HELZ2: variants seen among roughly 807,000 people sequenced by gnomAD.
HELZ2 encodes 3'-5' exoribonuclease HELZ2.
A neutral mutation model predicts 208.8 loss-of-function variants in HELZ2; 143 were observed. The ratio of observed to expected loss-of-function variants is 0.68; its 90% CI spans 0.60 to 0.79. The LOEUF (loss-of-function observed/expected upper bound fraction) is 0.79, where lower values mean the gene tolerates loss of function less well. HELZ2 is among the 30% of genes least tolerant of loss of function. The pLI is 0.00. For missense variants in HELZ2, 3,690 were observed against 3,794.5 expected, an observed-to-expected ratio of 0.97 and a Z score of 0.72; for synonymous variants, 1,705 against 1,693.7, an observed-to-expected ratio of 1.01 and a Z score of -0.16.
rs118155135 is a variant in HELZ2 at position 63,566,300 on chromosome 20, T to C, written c.2591-69A>G. On this transcript the variant is annotated intron_variant, in intron 7 of 18. Transcript: ENST00000467148. ...GTGGGACCAGCCCCACCCCTGCCGA[T>C]GCCAGGCTGAGGAGTGGGCCGAGCC... The C allele has an allele frequency of 7.6e-5, 114 of 1,508,094 alleles. 1 individual carries two copies. The East Asian group carries it at 1.3e-3, about 17-fold the overall frequency. The allele number at this position is 1,508,094 out of a possible 1,614,324, so 93.4% of individuals were successfully genotyped here. A position where few individuals can be genotyped will look rare whatever the true frequency, so the allele number is the denominator to read the frequency against.
chr20:63,566,295 GC>G lies in HELZ2; in HGVS notation c.2591-65del. On this transcript the variant is annotated intron_variant, in intron 7 of 18. Coordinates refer to ENST00000467148, the Ensembl canonical transcript of HELZ2. ...AGACGGTGGGACCAGCCCCACCCCTGCCGATGCCAGGCTGAGGAGTGGGCCG... is the reference window on the plus strand; with the variant it reads ...AGACGGTGGGACCAGCCCCACCCCTGCGATGCCAGGCTGAGGAGTGGGCCG... The G allele has an allele frequency of 2.0e-6, 3 of 1,501,970 alleles. No individual in the cohort carries two copies. In the South Asian group the frequency reaches 3.8e-5, roughly 19 times the overall value. The allele number at this position is 1,501,970 out of a possible 1,614,324, so 93.0% of individuals were successfully genotyped here.
chr20:63,564,864 G>C (rs372376486), exon 8 of HELZ2: 3 of 1,612,210 alleles, frequency 1.9e-6, no homozygotes. Context: ...TATTTCTGCA[G>C]CACCTTGGTG....
At chr20:63,569,468 G>A in exon 4 of HELZ2, 1 of 1,610,984 alleles carries the variant, frequency 6.2e-7, no homozygotes, top group South Asian at 1.1e-5. Flanking sequence ...GGCGGCCAAA[G>A]TCGAAGACCA....
In HELZ2 at chr20:63,568,475, G is replaced by A. The variant is rs767156599; in HGVS notation, c.1613C>T (p.Pro538Leu). 7.5e-6 allele frequency: 12 copies of A among 1,592,798 alleles called. No individual in the cohort carries two copies. The Admixed American group carries it at 1.8e-4, about 24-fold the overall frequency. ...AAAGGGGCCATAGATGAGTAGCGGGGGGACACGCCTCCCATCCCCAGGGCC... is the reference window on the plus strand; with the variant it reads ...AAAGGGGCCATAGATGAGTAGCGGGAGGACACGCCTCCCATCCCCAGGGCC... The change falls in exon 5 of 19, where the codon CCC (proline) becomes CTC (leucine). Residue 538 changes from proline (P) to leucine (L), a missense_variant. Pro to Leu is a moderately conservative substitution (Grantham distance 98). Coordinates refer to ENST00000467148, the Ensembl canonical transcript of HELZ2.
At chr20:63,571,097 A>C (rs2083011664) in intron 1 of HELZ2, 1 of 497,864 alleles carries the variant, frequency 2.0e-6, no homozygotes, top group East Asian at 3.1e-5. Flanking sequence ...AGCAGGTGGC[A>C]GGGAGGCCCC....
intron 5 of HELZ2, 129 bp downstream of exon 6, chr20:63,568,229 C>A: frequency 3.9e-6 from 3 of 761,254 alleles, no homozygotes; most frequent in South Asian, 1.6e-5. Flanking sequence ...AAAGCCAAAG[C>A]CCAAAGCTGG....
exon 4 of HELZ2, chr20:63,569,594 G>A: frequency 6.4e-7 from 1 of 1,568,056 alleles, no homozygotes. Flanking sequence ...GGCCTGGCGG[G>A]AGGCCGGGAG....
intron 5 of HELZ2, chr20:63,567,873 G>A (rs1454644844): frequency 1.3e-5 from 10 of 752,324 alleles, no homozygotes; most frequent in Non-Finnish European, 2.1e-5. Context: ...GCACCTCCCT[G>A]GTCCCCAGAA....
exon 8 of HELZ2, chr20:63,563,844 G>A (rs1450398137): frequency 6.3e-7 from 1 of 1,595,980 alleles, no homozygotes; most frequent in East Asian, 2.3e-5. Context: ...AGCGAGTAGT[G>A]GCCGCCCTGC....
intron 1 of HELZ2, 105 bp from the exon 3 acceptor site, chr20:63,570,973 G>A (rs2083010919): frequency 1.1e-6 from 1 of 885,344 alleles, no homozygotes; most frequent in East Asian, 2.7e-5. Flanking sequence ...AGGGAGCAGG[G>A]GCTTTATTCG....
At chr20:63,563,225 T>A in exon 8 of HELZ2, 1 of 1,571,468 alleles carries the variant, frequency 6.4e-7, no homozygotes, top group Middle Eastern at 1.7e-4. Flanking sequence ...ATGGCCACAG[T>A]GGCTCCGCTG....
In HELZ2 at chr20:63,559,920, G is replaced by GC. The variant is rs763537383; in HGVS notation, c.7825+7dup. On this transcript the variant is annotated splice_region_variant and intron_variant, in intron 18 of 18. Coordinates refer to ENST00000467148, the Ensembl canonical transcript of HELZ2. The stretch of plus-strand genomic sequence containing the variant: ...TCCCACCCTGGAAGAGCCCAGCCCC[G>GC]CCCTCACCGATCAGGCAGAGCCCCT... The GC allele has an allele frequency of 3.9e-6, 6 of 1,534,970 alleles. No homozygotes were observed. In the East Asian group the frequency reaches 1.5e-4, roughly 38 times the overall value.
downstream of HELZ2, chr20:63,558,314 C>T (rs1440629578): frequency 6.6e-6 from 1 of 151,758 alleles, no homozygotes; most frequent in Admixed American, 6.6e-5. Flanking sequence ...CACCCCCCAA[C>T]CCCCGAGCCC....
upstream of HELZ2, chr20:63,572,545 CAG>C: frequency 1.3e-6 from 1 of 758,338 alleles, no homozygotes; most frequent in Non-Finnish European, 2.0e-6. Flanking sequence ...TCACGTGGGC[CAG>C]GAGGGAGGGG....
At chr20:63,562,426 G>A (rs771548126) in intron 8 of HELZ2, 44 bp from the exon 10 acceptor site, 1 of 1,542,532 alleles carries the variant, frequency 6.5e-7, no homozygotes, top group South Asian at 1.2e-5. Context: ...GGACTCCCAG[G>A]AAAGGGGCTG....
At chr20:63,561,968 G>T in exon 11 of HELZ2, 9 of 1,596,000 alleles carry the variant, frequency 5.6e-6, no homozygotes, top group Non-Finnish European at 7.7e-6. Flanking sequence ...GGAGGCCCAC[G>T]ATCGTCTTCC....
In HELZ2 at chr20:63,568,418, G is replaced by A. The variant is rs1374734026; in HGVS notation, c.1670C>T (p.Ala557Val). 7 of 1,608,442 alleles carry A rather than the reference G, an allele frequency of 4.4e-6. No homozygotes were observed. In the Admixed American group the frequency reaches 5.1e-5, roughly 12 times the overall value. The change falls in exon 5 of 19, where the codon GCC (alanine) becomes GTC (valine). Residue 557 changes from alanine to valine, a missense_variant. By Grantham distance (64) the Ala-to-Val change is moderately conservative. Coordinates refer to ENST00000467148, the Ensembl canonical transcript of HELZ2. Reference sequence around the variant, plus strand: ...AGGCCTCCGGATGACCTCCAGGGAGGCCATGGCCAGCGTGTAGGTCTTGCC... The same window carrying A: ...AGGCCTCCGGATGACCTCCAGGGAGACCATGGCCAGCGTGTAGGTCTTGCC...
exon 8 of HELZ2, chr20:63,563,361 G>A (rs1038644498): frequency 3.3e-6 from 5 of 1,537,594 alleles, no homozygotes; most frequent in East Asian, 4.9e-5. Context: ...TCCACGGCCA[G>A]GGTGTGTGGG....
exon 1 of HELZ2, chr20:63,572,251 G>A (rs753368390): frequency 6.3e-7 from 1 of 1,586,744 alleles, no homozygotes; most frequent in Admixed American, 1.8e-5. Context: ...AGGTGACCAA[G>A]CAGGCCGGGC....
Sources: gnomAD v4.1 joint callset for allele counts on GRCh38, gnomAD v4.1.1 for gene constraint, MANE v1.5 for transcripts, NCBI Gene and HGNC (gene_info 2026-07-23, HGNC 2026-07-21) for gene names.